The following RAPGEF2 variants were observed in gnomAD, a reference collection of about 807,000 sequenced individuals.
The protein encoded by RAPGEF2 is Rap guanine nucleotide exchange factor 2, also known as PDZ domain containing guanine nucleotide exchange factor (GEF) 1.
Under a neutral mutation model 186.7 loss-of-function variants are expected in RAPGEF2, and 54 were observed. The ratio of observed to expected loss-of-function variants is 0.29; its 90% CI spans 0.23 to 0.36. The LOEUF is 0.36. Ranked by LOEUF, RAPGEF2 falls within the 10% of genes least tolerant of loss-of-function variation. RAPGEF2 has a pLI of 1.00. For synonymous variants in RAPGEF2, 712 were observed against 705.9 expected (o/e 1.01, Z -0.14); for missense variants, 1,532 against 2,045.0 (o/e 0.75, Z 4.84).
chr4:159,217,706 A>G (rs1000342244), intron 4 of RAPGEF2, among the ~76,000 whole-genome samples: 2 of 152,174 alleles, frequency 1.3e-5, no homozygotes, highest in Non-Finnish European at 2.9e-5. Context: ...TGGCAGTTCT[A>G]TTTTTATTTC....
intron 4 of RAPGEF2, among the ~76,000 whole-genome samples, chr4:159,220,871 A>G (rs2111402704): frequency 6.6e-6 from 1 of 152,382 alleles, no homozygotes; most frequent in East Asian, 1.9e-4. Context: ...CTTTAAAAAA[A>G]TCACTTTAAA....
intron 7 of RAPGEF2, among the ~76,000 whole-genome samples, chr4:159,298,728 C>T (rs1010513185): frequency 1.3e-5 from 2 of 152,072 alleles, no homozygotes; most frequent in Admixed American, 6.6e-5. Context: ...AGTTTGGCCA[C>T]GAAAGCCCTT....
chr4:159,270,805 G>A (rs898358106), intron 7 of RAPGEF2, among the ~76,000 whole-genome samples: 1 of 152,064 alleles, frequency 6.6e-6, no homozygotes, highest in Non-Finnish European at 1.5e-5. Flanking sequence ...TCCATTTTAT[G>A]TGGTTGATTG....
At chr4:159,271,076 A>G (rs1758066333) in intron 7 of RAPGEF2, among the ~76,000 whole-genome samples, 1 of 152,208 alleles carries the variant, frequency 6.6e-6, no homozygotes, top group Non-Finnish European at 1.5e-5. Context: ...GTAGATGAAA[A>G]AAGTTTTATA....
In RAPGEF2 at chr4:159,310,849, C is replaced by T. The variant is rs185416690; in HGVS notation, c.676-3742C>T. On this transcript the variant is annotated intron_variant, in intron 8 of 29. Coordinates refer to ENST00000691494, the MANE Select transcript of RAPGEF2 (RefSeq NM_001394067.2). Reference sequence around the variant, plus strand: ...TAGAAAAAAAGGGTTTAAAGACATGCGTGAGTCTTAGTAGTGTTGTTATTT... The same window carrying T: ...TAGAAAAAAAGGGTTTAAAGACATGTGTGAGTCTTAGTAGTGTTGTTATTT... Among the ~76,000 whole-genome samples, 39 of 152,172 alleles carry T rather than the reference C, an allele frequency of 2.6e-4. No individual in the cohort carries two copies. In the East Asian group the frequency reaches 6.9e-3, roughly 27 times the overall value.
intron 2 of RAPGEF2, among the ~76,000 whole-genome samples, chr4:159,187,493 T>A (rs1747678880): frequency 6.6e-6 from 1 of 152,222 alleles, no homozygotes; most frequent in Admixed American, 6.5e-5. Flanking sequence ...ATTAATCATT[T>A]AAAGAATTAC....
At chr4:159,150,905 G>C (rs1356511290) in intron 1 of RAPGEF2, among the ~76,000 whole-genome samples, 1 of 152,192 alleles carries the variant, frequency 6.6e-6, no homozygotes, top group Non-Finnish European at 1.5e-5. Flanking sequence ...CTGCTTTGCT[G>C]CTGTTCTCTC....
chr4:159,357,416 A>G (rs1292769749), intron 29 of RAPGEF2, among the ~76,000 whole-genome samples: 1 of 152,188 alleles, frequency 6.6e-6, no homozygotes, highest in African/African-American at 2.4e-5. Flanking sequence ...AGGAACCCAC[A>G]TTCTTTATAA....
rs189546537 is a variant in RAPGEF2 at position 159,119,851 on chromosome 4, T to C, written c.69+15620T>C. On this transcript the variant is annotated intron_variant, in intron 1 of 29. Transcript: ENST00000691494. ...TATTGGCATATGATATTTTCTAAAT[T>C]GGTTCCTTTTGTTTCAGATTTACTC... Among the ~76,000 whole-genome samples, 530 of 152,342 alleles carry C rather than the reference T, an allele frequency of 3.5e-3. 1 individual carries two copies. The highest frequency in any genetic ancestry group is 0.01 in the Middle Eastern group (3 of 294).
At chr4:159,288,916 C>G (rs868225837) in intron 7 of RAPGEF2, among the ~76,000 whole-genome samples, 32 of 152,236 alleles carry the variant, frequency 2.1e-4, no homozygotes, top group Middle Eastern at 3.4e-3. Context: ...TCACCTCTCA[C>G]TTCAGATGTA....
chr4:159,188,349 AC>A (rs1342597382), intron 2 of RAPGEF2, among the ~76,000 whole-genome samples: 69 of 152,296 alleles, frequency 4.5e-4, no homozygotes, highest in African/African-American at 1.6e-3. Context: ...TTTTATACTT[AC>A]AGAAATTTTC....
chr4:159,161,001 G>A (rs1298534401), intron 1 of RAPGEF2, among the ~76,000 whole-genome samples: 3 of 151,740 alleles, frequency 2.0e-5, no homozygotes, highest in African/African-American at 7.3e-5. Flanking sequence ...TTAATCATAG[G>A]TTTTGAATTC....
intron 8 of RAPGEF2, among the ~76,000 whole-genome samples, chr4:159,309,097 A>G (rs1389329094): frequency 2.6e-5 from 4 of 152,200 alleles, no homozygotes; most frequent in Admixed American, 6.5e-5. Flanking sequence ...AAGTGAGTGT[A>G]ATACAAAGAC....
At chr4:159,291,015 C>T (rs952213860) in intron 7 of RAPGEF2, among the ~76,000 whole-genome samples, 3 of 152,230 alleles carry the variant, frequency 2.0e-5, no homozygotes, top group African/African-American at 4.8e-5. Context: ...ATATCTTTGT[C>T]ACAGAAGTAA....
chr4:159,238,923 A>G (rs763155860), intron 5 of RAPGEF2, 39 bp downstream of exon 5: 41 of 1,347,736 alleles, frequency 3.0e-5, no homozygotes, highest in East Asian at 2.9e-4. Flanking sequence ...TCCCCTAAAA[A>G]ATTGTATGAA....
intron 7 of RAPGEF2, among the ~76,000 whole-genome samples, chr4:159,290,233 A>G (rs1023838579): frequency 6.6e-6 from 1 of 152,170 alleles, no homozygotes; most frequent in Non-Finnish European, 1.5e-5. Context: ...CAATTTTTTA[A>G]GTTCTGGGTT....
intron 7 of RAPGEF2, chr4:159,268,048 C>T (rs1227855924): frequency 1.0e-5 from 13 of 1,244,846 alleles, no homozygotes; most frequent in East Asian, 3.0e-5. Context: ...TCCCTCCTCC[C>T]TTTTTTTTTT....
intron 3 of RAPGEF2, among the ~76,000 whole-genome samples, chr4:159,209,460 G>T (rs766668788): frequency 3.3e-5 from 5 of 152,196 alleles, no homozygotes; most frequent in Non-Finnish European, 7.3e-5. Flanking sequence ...CCTGCCTGTT[G>T]CCTGGAATGC....
intron 1 of RAPGEF2, among the ~76,000 whole-genome samples, chr4:159,170,525 A>G (rs781470448): frequency 1.3e-5 from 2 of 152,208 alleles, no homozygotes; most frequent in African/African-American, 2.4e-5. Context: ...TAGAGATAAT[A>G]TATGGAAGGA....
Sources: allele counts gnomAD v4.1 joint callset (sites outside exome capture counted in the v4.1 genomes callset), GRCh38; gene constraint gnomAD v4.1.1; transcripts MANE v1.5; gene names NCBI Gene and HGNC (gene_info 2026-07-23, HGNC 2026-07-21).